Variants in SLC11A1 observed in about 807,000 individuals in gnomAD.
The protein encoded by SLC11A1 is solute carrier family 11 member 1, also known as natural resistance-associated macrophage protein 1.
In SLC11A1, 59 loss-of-function variants were observed where a neutral mutation model predicts 63.2. The observed-to-expected ratio is 0.93, with a 90% CI of 0.76 to 1.16. SLC11A1 has a LOEUF of 1.16. Among genes scored for constraint, SLC11A1 ranks in the 50% most tolerant of loss-of-function variants. The pLI, the probability that SLC11A1 is intolerant of heterozygous loss-of-function variation, is 0.00. For synonymous variants in SLC11A1, 305 were observed against 307.8 expected, an observed-to-expected ratio of 0.99 and a Z score of 0.09; for missense variants, 688 against 730.7, an observed-to-expected ratio of 0.94 and a Z score of 0.67.
chr2:218,386,050 C>T (rs529942203), intron 4 of SLC11A1, among the ~76,000 whole-genome samples: 1 of 152,336 alleles, frequency 6.6e-6, no homozygotes, highest in East Asian at 1.9e-4. Flanking sequence ...CCATCCTTTG[C>T]TGCTGAGCTC....
chr2:218,388,796 C>T (rs891990008), intron 8 of SLC11A1, among the ~76,000 whole-genome samples: 1 of 148,268 alleles, frequency 6.7e-6, no homozygotes, highest in Non-Finnish European at 1.5e-5. Flanking sequence ...AGCAAGACTC[C>T]GTCTCAAAAA....
In SLC11A1 at chr2:218,384,191, A is replaced by G; in HGVS notation, c.151-52A>G. The G allele has an allele frequency of 6.6e-7, 1 of 1,518,754 alleles. No individual in the cohort carries two copies. The highest frequency in any genetic ancestry group is 8.9e-7 in the Non-Finnish European group (1 of 1,120,860). 94.1% of individuals were successfully genotyped at this position (1,518,754 alleles called of 1,614,324 possible). A position where few individuals can be genotyped will look rare whatever the true frequency, so the allele number is the denominator to read the frequency against. On this transcript the variant is annotated intron_variant, in intron 2 of 14. Transcript: ENST00000233202. The surrounding 1 kb of genome is among the most constrained non-coding windows in gnomAD (Gnocchi z 4.0). ...TAGGGGATGGCCAAGGCCAGCTGCC[A>G]CCATCCCTATACCCAGGACCCCCTC...
In SLC11A1 at chr2:218,396,469, A is replaced by AT. The variant is rs1696775752; in HGVS notation, c.*1437dup. 1 of 152,366 alleles carries AT rather than the reference A, an allele frequency of 6.6e-6. No homozygotes were observed. The allele number at this position is 152,366 out of a possible 1,614,324, so 9.4% of individuals were successfully genotyped here. ...GGTGTTGCACCTGGAAGAACCCCCG[A>AT]TTTCCTGGGGACCCAGCAGGGCAGG... On this transcript the variant is annotated 3_prime_UTR_variant, in exon 15 of 15. Coordinates refer to ENST00000233202, the MANE Select transcript of SLC11A1 (RefSeq NM_000578.4).
rs201126832 is a variant in SLC11A1, at chr2:218,395,057, G to A, written c.*22G>A. The A allele has an allele frequency of 6.5e-7, 1 of 1,546,168 alleles. No individual in the cohort carries two copies. Among genetic ancestry groups the A allele is most frequent in the East Asian group, 2.3e-5 (1 of 42,570 alleles). ...CTAGGCCCACACCAGGGCCTGGCTG[G>A]GAGTGGCATGTATGACGTGACTGGC... On this transcript the variant is annotated 3_prime_UTR_variant, in exon 15 of 15. Coordinates refer to ENST00000233202, the MANE Select transcript of SLC11A1 (RefSeq NM_000578.4).
At chr2:218,388,162 G>C (rs994297789) in intron 8 of SLC11A1, 2 of 589,454 alleles carry the variant, frequency 3.4e-6, no homozygotes, top group East Asian at 6.1e-5. Context: ...GAGGTCAAGA[G>C]ATCGACACCA....
At position 218,382,358 on chromosome 2, in the gene SLC11A1, T is replaced by G; in HGVS notation, c.-11T>G. The G allele has an allele frequency of 6.2e-7, 1 of 1,613,176 alleles. No homozygotes were observed. The highest frequency in any genetic ancestry group is 8.5e-7 in the Non-Finnish European group (1 of 1,179,492). On this transcript the variant is annotated 5_prime_UTR_variant, in exon 1 of 15. Transcript: ENST00000233202. ...GCTCACACTCCCAGAGTACCTGAAG[T>G]CGGCATTTCAATGACAGGTGAGTAG...
Position 218,389,968 on chromosome 2 carries a change from C to G in SLC11A1, c.894C>G (p.Ile298Met). The stretch of plus-strand genomic sequence containing the variant: ...TCGCCCTGTCCGTCTCCTTTATCAT[C>G]AACCTCTTTGTCATGGCTGTCTTTG... ...ATIALSVSFI[I>M]NLFVMAVFGQ... The change falls in exon 9 of 15, where the codon ATC (isoleucine) becomes ATG (methionine). Residue 298 changes from isoleucine to methionine, a missense_variant. Transcript: ENST00000233202. 1 of 1,614,086 alleles carries G rather than the reference C, an allele frequency of 6.2e-7. No individual in the cohort carries two copies.
At position 218,389,671 on chromosome 2, in the gene SLC11A1, G is replaced by A. The variant is rs982908873; in HGVS notation, c.796-199G>A. On this transcript the variant is annotated intron_variant, in intron 8 of 14. Coordinates refer to ENST00000233202, the MANE Select transcript of SLC11A1 (RefSeq NM_000578.4). ...AGGCCAGCCTTGCTTCACCCACACA[G>A]TGGCTTACAGTGGTAAGGCCTCTGT... is the stretch of plus-strand genomic sequence containing the variant. 2.0e-5 allele frequency among the ~76,000 whole-genome samples: 3 copies of A among 152,212 alleles called. 1 individual carries two copies. The highest frequency in any genetic ancestry group is 2.0e-4 in the Admixed American group (3 of 15,276).
At chr2:218,386,887 A>C in intron 5 of SLC11A1, 146 bp downstream of exon 5, 1 of 692,044 alleles carries the variant, frequency 1.4e-6, no homozygotes, top group South Asian at 1.7e-5. Flanking sequence ...AGAAATGTAA[A>C]GTGACTTGTC....
intron 14 of SLC11A1, 36 bp from the exon 15 acceptor site, chr2:218,394,889 T>C (rs1174246193): frequency 6.2e-7 from 1 of 1,607,586 alleles, no homozygotes; most frequent in Admixed American, 1.7e-5. Flanking sequence ...CCAGAGGTCT[T>C]GGCATCTCCC....
At chr2:218,394,294 G>A in intron 13 of SLC11A1, 101 bp downstream of exon 13, 6 of 1,244,520 alleles carry the variant, frequency 4.8e-6, no homozygotes, top group Non-Finnish European at 6.9e-6. Flanking sequence ...TCCCAATGAA[G>A]CCACAGAGGC....
chr2:218,389,869 G>A lies in SLC11A1; in HGVS notation c.796-1G>A. 6.2e-7 allele frequency: 1 copy of A among 1,607,262 alleles called. No individual in the cohort carries two copies. Among genetic ancestry groups the A allele is most frequent in the Non-Finnish European group, 8.5e-7 (1 of 1,176,348 alleles). ...CTTCCCTCTCCCTTTGATCTTCGTA[G>A]TCTCGAGAGATAGACCGGGCCCGCC... On this transcript the variant is annotated splice_acceptor_variant, in intron 8 of 14. Transcript: ENST00000233202. LOFTEE classifies it high-confidence loss of function.
At chr2:218,388,059 T>G (rs1696211102) in intron 8 of SLC11A1, 104 bp downstream of exon 8, 2 of 1,338,700 alleles carry the variant, frequency 1.5e-6, no homozygotes, top group African/African-American at 3.0e-5. Flanking sequence ...TCCCTCAGGA[T>G]TTGCGGAGCC....
At position 218,395,006 on chromosome 2, in the gene SLC11A1, G is replaced by A. The variant is rs776194696; in HGVS notation, c.1624G>A (p.Glu542Lys). Reference protein sequence around the residue: ...HHHFLYGLLEEDQKGETSG With the variant: ...HHHFLYGLLEKDQKGETSG ...CCACTTCCTGTATGGGCTCCTTGAA[G>A]AGGACCAGAAAGGGGAGACCTCTGG... The change falls in exon 15 of 15, where the codon GAG becomes AAG. Residue 542 changes from glutamate (E) to lysine (K), a missense_variant. Coordinates refer to ENST00000233202, the MANE Select transcript of SLC11A1 (RefSeq NM_000578.4). 1.2e-6 allele frequency: 2 copies of A among 1,610,716 alleles called. No homozygotes were observed. Among genetic ancestry groups the A allele is most frequent in the East Asian group, 4.5e-5 (2 of 44,800 alleles).
chr2:218,385,479 C>G, intron 4 of SLC11A1: 1 of 605,540 alleles, frequency 1.7e-6, no homozygotes, highest in Non-Finnish European at 3.0e-6. Flanking sequence ...CAACCTCTAC[C>G]TCCCAGGTAC....
intron 11 of SLC11A1, 113 bp downstream of exon 11, chr2:218,391,608 CT>C (rs888204971): frequency 5.3e-4 from 671 of 1,257,042 alleles, no homozygotes; most frequent in Non-Finnish European, 6.0e-4. Context: ...TCTTTTCTTC[CT>C]TTTTTTTTGT....
intron 11 of SLC11A1, chr2:218,392,224 C>T (rs1333518260): frequency 3.9e-6 from 1 of 257,238 alleles, no homozygotes; most frequent in East Asian, 1.5e-4. Flanking sequence ...GCCACCACAC[C>T]CAGCTAATTT....
intron 11 of SLC11A1, chr2:218,392,078 CTT>C: frequency 2.6e-6 from 1 of 388,312 alleles, no homozygotes; most frequent in Admixed American, 2.8e-5. Context: ...TCTTTCTTTC[CTT>C]TTTTTTGAGA....
intron 14 of SLC11A1, 64 bp from the exon 15 acceptor site, chr2:218,394,861 G>A (rs1168860438): frequency 6.2e-7 from 1 of 1,604,504 alleles, no homozygotes; most frequent in East Asian, 2.2e-5. Flanking sequence ...GGGTTTGGGG[G>A]GACACAATGG....
Sources: allele counts gnomAD v4.1 joint callset (sites outside exome capture counted in the v4.1 genomes callset), GRCh38; gene constraint gnomAD v4.1.1; non-coding constraint Gnocchi (gnomAD v3.1); transcripts MANE v1.5; gene names NCBI Gene and HGNC (gene_info 2026-07-23, HGNC 2026-07-21).